Variants in TNRC6B observed in about 807,000 individuals in gnomAD.
The protein encoded by TNRC6B is trinucleotide repeat-containing gene 6B protein.
TNRC6B carries 52 observed loss-of-function variants against 203.6 expected under a neutral mutation model. The observed-to-expected ratio is 0.26, with a 90% CI of 0.20 to 0.32. TNRC6B has a LOEUF of 0.32. TNRC6B is among the 10% of genes least tolerant of loss of function. TNRC6B has a pLI of 1.00. For missense variants in TNRC6B, 1,923 were observed against 2,286.2 expected (o/e 0.84, Z 3.24); for synonymous variants, 838 against 845.7 (o/e 0.99, Z 0.16).
chr22:40,293,270 A>G (rs932483994), intron 12 of TNRC6B, among the ~76,000 whole-genome samples: 1 of 131,362 alleles, frequency 7.6e-6, no homozygotes, highest in African/African-American at 2.9e-5. Flanking sequence ...ATCGCAGCTT[A>G]CTGCAACTCT....
intron 1 of TNRC6B, among the ~76,000 whole-genome samples, chr22:40,081,840 C>A (rs2068066250): frequency 6.6e-6 from 1 of 151,960 alleles, no homozygotes; most frequent in Non-Finnish European, 1.5e-5. Context: ...CAATACTTAG[C>A]CAAGAGCCTA....
At chr22:40,191,725 A>C (rs1258267007) in intron 1 of TNRC6B, among the ~76,000 whole-genome samples, 1 of 151,928 alleles carries the variant, frequency 6.6e-6, no homozygotes, top group Non-Finnish European at 1.5e-5. Flanking sequence ...AAGACTGCAA[A>C]TGTGTGCCAT....
In TNRC6B at chr22:40,261,860, C is replaced by T; in HGVS notation, c.144C>T (p.Ser48=). ...KVPEVTKPSL[S]QPTAASPIGS... ...CCGAAGTGACGAAACCAAGTTTAAG[C>T]CAACCAACGGCCGCCAGCCCAATTG... The change falls in exon 4 of 23, where the codon AGC becomes AGT. Residue 48 remains serine (S), a synonymous_variant. Transcript: ENST00000454349. The T allele has an allele frequency of 1.3e-6, 2 of 1,579,958 alleles. No homozygotes were observed. The highest frequency in any genetic ancestry group is 1.7e-6 in the Non-Finnish European group (2 of 1,152,550).
chr22:40,097,666 TCATACA>T (rs1368657818), intron 1 of TNRC6B, among the ~76,000 whole-genome samples: 1 of 95,106 alleles, frequency 1.1e-5, no homozygotes, highest in Non-Finnish European at 2.1e-5. Flanking sequence ...TTCAGGTATA[TCATACA>T]CACACACACA....
At chr22:40,159,411 G>A (rs1005521783) in intron 4 of TNRC6B, among the ~76,000 whole-genome samples, 4 of 149,892 alleles carry the variant, frequency 2.7e-5, no homozygotes, top group South Asian at 4.2e-4. Flanking sequence ...AGGCTGAGGC[G>A]GGCAGATCAC....
rs981829680 is a variant in TNRC6B at position 40,328,097 on chromosome 22, G to A, written c.*4856G>A. On this transcript the variant is annotated 3_prime_UTR_variant, in exon 23 of 23. Coordinates refer to ENST00000454349, the MANE Select transcript of TNRC6B (RefSeq NM_001162501.2). ...CTGAGACACTGTGAAGAAATGGATG[G>A]CTCATGTAACATCTCTGATCCCTCA... is the stretch of plus-strand genomic sequence containing the variant. 1.3e-5 allele frequency: 2 copies of A among 152,184 alleles called. No individual in the cohort carries two copies. The highest frequency in any genetic ancestry group is 4.8e-5 in the African/African-American group (2 of 41,442). The allele number at this position is 152,184 out of a possible 1,614,324, so 9.4% of individuals were successfully genotyped here.
intron 1 of TNRC6B, among the ~76,000 whole-genome samples, chr22:40,116,021 AAAGT>A (rs1832288904): frequency 6.6e-6 from 1 of 152,230 alleles, no homozygotes; most frequent in Non-Finnish European, 1.5e-5. Flanking sequence ...ACTATTAAAT[AAAGT>A]AAGTCAAATA....
At chr22:40,256,394 T>G (rs2070278669) in intron 3 of TNRC6B, among the ~76,000 whole-genome samples, 1 of 152,252 alleles carries the variant, frequency 6.6e-6, no homozygotes, top group Non-Finnish European at 1.5e-5. Flanking sequence ...CAAATTCATT[T>G]GCCATTCTCC....
chr22:40,249,683 C>T (rs2070158675), intron 2 of TNRC6B, among the ~76,000 whole-genome samples: 1 of 152,206 alleles, frequency 6.6e-6, no homozygotes, highest in Non-Finnish European at 1.5e-5. Flanking sequence ...TTCAAAATGG[C>T]ATTCTAAGAA....
At chr22:40,047,088 C>G (rs1314544844) in intron 1 of TNRC6B, among the ~76,000 whole-genome samples, 1 of 152,074 alleles carries the variant, frequency 6.6e-6, no homozygotes, top group Non-Finnish European at 1.5e-5. Flanking sequence ...GGGTAGGTAT[C>G]GTTACTATAC....
rs538328843 is a variant in TNRC6B, at chr22:40,205,222, T to C, written c.5+27082T>C. Among the ~76,000 whole-genome samples the C allele has an allele frequency of 4.6e-5, 7 of 152,326 alleles. No homozygotes were observed. In the East Asian group the frequency reaches 1.4e-3, roughly 29 times the overall value. ...GCATTCACTGATTACCTCAAGCACTTAGTAGAAGTTTAATAAATATTTGTA... is the reference window on the plus strand; with the variant it reads ...GCATTCACTGATTACCTCAAGCACTCAGTAGAAGTTTAATAAATATTTGTA... On this transcript the variant is annotated intron_variant, in intron 1 of 22. Transcript: ENST00000454349.
chr22:40,312,628 A>T lies in TNRC6B; in HGVS notation c.4559A>T (p.Gln1520Leu). ...TCTCCCATTGTAGATACTGACCACC[A>T]ACTGCTGCGGGATAACACCACAGGT... Reference protein sequence around the residue: ...ATSPIVDTDHQLLRDNTTGSN... With the variant: ...ATSPIVDTDHLLLRDNTTGSN... Residue 1520 changes from glutamine (Q) to leucine (L), a missense_variant, in exon 18 of 23, where the codon CAA becomes CTA. By Grantham distance (113) the Gln-to-Leu change is moderately radical (BLOSUM62 -2). Coordinates refer to ENST00000454349, the MANE Select transcript of TNRC6B (RefSeq NM_001162501.2). 6.2e-7 allele frequency: 1 copy of T among 1,612,866 alleles called. No homozygotes were observed.
chr22:40,110,543 G>T (rs559253040), intron 1 of TNRC6B, among the ~76,000 whole-genome samples: 1 of 152,300 alleles, frequency 6.6e-6, no homozygotes, highest in South Asian at 2.1e-4. Context: ...AGCCTTTTCT[G>T]TTAAAGAATT....
chr22:40,105,297 A>C (rs1245303126), intron 1 of TNRC6B, among the ~76,000 whole-genome samples: 2 of 152,180 alleles, frequency 1.3e-5, no homozygotes, highest in East Asian at 3.8e-4. Context: ...ATTGTGAAAT[A>C]TATCACACAA....
intron 4 of TNRC6B, among the ~76,000 whole-genome samples, chr22:40,162,159 C>T (rs961836884): frequency 7.9e-5 from 12 of 152,084 alleles, no homozygotes; most frequent in African/African-American, 2.4e-4. Flanking sequence ...TGCAATGGCG[C>T]AATCTCGGCT....
Position 40,328,356 on chromosome 22 carries a change from T to G in TNRC6B, c.*5115T>G, listed in dbSNP as rs2071427642. ...AATGTAGCATAAGTTAGCAATCGGT[T>G]CTTCCAAACTCCTGTGGGTTGAATA... On this transcript the variant is annotated 3_prime_UTR_variant, in exon 23 of 23. Transcript: ENST00000454349. 1 of 152,230 alleles carries G rather than the reference T, an allele frequency of 6.6e-6. No homozygotes were observed. The allele number at this position is 152,230 out of a possible 1,614,324, so 9.4% of individuals were successfully genotyped here. A position where few individuals can be genotyped will look rare whatever the true frequency, so the allele number is the denominator to read the frequency against.
At chr22:40,274,286 T>C (rs1235480034) in intron 7 of TNRC6B, among the ~76,000 whole-genome samples, 3 of 152,230 alleles carry the variant, frequency 2.0e-5, no homozygotes, top group Non-Finnish European at 4.4e-5. Flanking sequence ...AAGATAATGC[T>C]GGCTTCTCCC....
intron 1 of TNRC6B, among the ~76,000 whole-genome samples, chr22:40,049,271 C>A (rs1027836215): frequency 6.6e-6 from 1 of 151,922 alleles, no homozygotes; most frequent in South Asian, 2.1e-4. Context: ...GTCTCAAACT[C>A]CCACCTCAGC....
At chr22:40,228,077 G>T (rs1363817035) in intron 1 of TNRC6B, among the ~76,000 whole-genome samples, 2 of 152,166 alleles carry the variant, frequency 1.3e-5, no homozygotes, top group African/African-American at 4.8e-5. Flanking sequence ...GGCTTTTGTG[G>T]GTTGGTCTGG....
Sources: allele counts gnomAD v4.1 joint callset (sites outside exome capture counted in the v4.1 genomes callset), GRCh38; gene constraint gnomAD v4.1.1; transcripts MANE v1.5; gene names NCBI Gene and HGNC (gene_info 2026-07-23, HGNC 2026-07-21).